SLC4A4: variants seen among roughly 807,000 people sequenced by gnomAD.
SLC4A4 encodes the protein electrogenic sodium bicarbonate cotransporter 1.
Under a neutral mutation model 111.5 loss-of-function variants are expected in SLC4A4, and 27 were observed. That is an observed-to-expected ratio of 0.24 (90% CI 0.18 to 0.33). The LOEUF (loss-of-function observed/expected upper bound fraction) is 0.33. Among genes scored for constraint, SLC4A4 ranks in the 10% least tolerant of loss-of-function variants. SLC4A4 has a pLI of 1.00. For missense variants in SLC4A4, 909 were observed against 1,315.5 expected, an observed-to-expected ratio of 0.69 and a Z score of 4.78; for synonymous variants, 443 against 463.4, an observed-to-expected ratio of 0.96 and a Z score of 0.57.
At chr4:71,132,783 G>T (rs1743741261) in intron 2 of SLC4A4, among the ~76,000 whole-genome samples, 1 of 152,122 alleles carries the variant, frequency 6.6e-6, no homozygotes, top group African/African-American at 2.4e-5. Flanking sequence ...TTCCACTATT[G>T]GCCACAGCTA....
chr4:71,280,764 T>C (rs749444090), intron 3 of SLC4A4, among the ~76,000 whole-genome samples: 13 of 152,154 alleles, frequency 8.5e-5, no homozygotes, highest in Non-Finnish European at 1.3e-4. Flanking sequence ...AAGATTTTTT[T>C]CTCTGTTATC....
rs993412644 is a variant in SLC4A4, at chr4:71,523,316, A to G, written c.2167-8746A>G. On this transcript the variant is annotated intron_variant, in intron 16 of 25. Transcript: ENST00000264485. ...TTTATATCAAGGAAAATAATTTTTA[A>G]AGTCAAATTTGTTTTTAATCCAAAA... Among the ~76,000 whole-genome samples the G allele has an allele frequency of 2.6e-5, 4 of 152,302 alleles. No homozygotes were observed. In the South Asian group the frequency reaches 8.3e-4, roughly 32 times the overall value.
chr4:71,198,262 A>G (rs1746093381), intron 1 of SLC4A4, among the ~76,000 whole-genome samples: 2 of 152,250 alleles, frequency 1.3e-5, no homozygotes, highest in African/African-American at 4.8e-5. Context: ...TTTATTACAT[A>G]TGCATAATAT....
chr4:71,552,470 T>C (rs1736090164), intron 20 of SLC4A4, among the ~76,000 whole-genome samples: 1 of 151,834 alleles, frequency 6.6e-6, no homozygotes, highest in African/African-American at 2.4e-5. Context: ...ACCCTTATTT[T>C]TAAATTTACC....
intron 12 of SLC4A4, among the ~76,000 whole-genome samples, chr4:71,466,125 C>T (rs976239459): frequency 2.6e-5 from 4 of 152,238 alleles, no homozygotes; most frequent in East Asian, 1.9e-4. Flanking sequence ...TTGATTCTGA[C>T]GTGTAGAAGC....
At chr4:71,425,191 C>T (rs1723006221) in intron 7 of SLC4A4, among the ~76,000 whole-genome samples, 1 of 152,102 alleles carries the variant, frequency 6.6e-6, no homozygotes, top group Non-Finnish European at 1.5e-5. Flanking sequence ...CAGCTCAACA[C>T]TCTCTCCAGA....
intron 1 of SLC4A4, among the ~76,000 whole-genome samples, chr4:71,207,622 G>A (rs60466738): frequency 0.023 from 3,450 of 152,282 alleles, 126 homozygotes; most frequent in African/African-American, 0.079. Flanking sequence ...CAGTGGTAAA[G>A]GAAGTATTGG....
intron 16 of SLC4A4, among the ~76,000 whole-genome samples, chr4:71,518,713 C>CCCTGGACCTGGGGCTT (rs1732641985): frequency 3.3e-5 from 5 of 150,406 alleles, no homozygotes; most frequent in African/African-American, 1.3e-4. Flanking sequence ...ACCTGGGGCT[C>CCCTGGACCTGGGGCTT]ATCTGGAGCC....
intron 1 of SLC4A4, among the ~76,000 whole-genome samples, chr4:71,198,216 C>A (rs1044284566): frequency 6.6e-6 from 1 of 152,162 alleles, no homozygotes; most frequent in African/African-American, 2.4e-5. Context: ...TATGTGAAAG[C>A]ACAATATATT....
chr4:71,121,315 G>A (rs1743416293), intron 2 of SLC4A4, among the ~76,000 whole-genome samples: 1 of 152,158 alleles, frequency 6.6e-6, no homozygotes, highest in Admixed American at 6.5e-5. Flanking sequence ...CTGCCCAAGG[G>A]CTGAGGCGTG....
At chr4:71,567,231 C>A in intron 25 of SLC4A4, 148 bp downstream of exon 25, 1 of 648,618 alleles carries the variant, frequency 1.5e-6, no homozygotes, top group Non-Finnish European at 2.7e-6. Context: ...AAAACTTGTT[C>A]CAGCTTTTAC....
At chr4:71,548,376 T>C (rs1012826818) in intron 20 of SLC4A4, among the ~76,000 whole-genome samples, 5 of 151,926 alleles carry the variant, frequency 3.3e-5, no homozygotes, top group African/African-American at 1.2e-4. Flanking sequence ...ATGGGTTGGA[T>C]ATCTGCCTAG....
At chr4:71,186,650 C>T (rs1291474853), upstream of SLC4A4, 1 of 151,598 alleles carries the variant, frequency 6.6e-6, no homozygotes, top group Admixed American at 6.6e-5. Context: ...GCGGCTGACG[C>T]CGAGCAGCGG....
intron 1 of SLC4A4, among the ~76,000 whole-genome samples, chr4:71,192,402 C>T (rs1023117434): frequency 1.3e-5 from 2 of 152,178 alleles, no homozygotes; most frequent in Non-Finnish European, 2.9e-5. Flanking sequence ...TTTTAATACC[C>T]ATACTGTTCT....
intron 2 of SLC4A4, among the ~76,000 whole-genome samples, chr4:71,177,876 A>G (rs889795066): frequency 6.6e-6 from 1 of 152,184 alleles, no homozygotes; most frequent in African/African-American, 2.4e-5. Flanking sequence ...CAGAATATAC[A>G]TTCTTCTCAG....
At chr4:71,108,826 T>G (rs2091709112) in intron 2 of SLC4A4, among the ~76,000 whole-genome samples, 1 of 152,142 alleles carries the variant, frequency 6.6e-6, no homozygotes, top group African/African-American at 2.4e-5. Context: ...AATTTCTTTT[T>G]GGTTTCCTTT....
chr4:71,251,910 C>G (rs968992095), intron 2 of SLC4A4, among the ~76,000 whole-genome samples: 1 of 152,054 alleles, frequency 6.6e-6, no homozygotes, highest in African/African-American at 2.4e-5. Context: ...AATGGTCTTA[C>G]TGTTTTGTAG....
intron 18 of SLC4A4, among the ~76,000 whole-genome samples, chr4:71,544,840 C>T (rs1464302176): frequency 6.6e-6 from 1 of 151,888 alleles, no homozygotes; most frequent in Non-Finnish European, 1.5e-5. Flanking sequence ...TTGTTGTCTC[C>T]CTCAGTAGAA....
At chr4:71,421,305 A>C (rs903279126) in intron 7 of SLC4A4, among the ~76,000 whole-genome samples, 1 of 152,206 alleles carries the variant, frequency 6.6e-6, no homozygotes, top group Non-Finnish European at 1.5e-5. Flanking sequence ...ATATATATGC[A>C]CCCAATACAG....
Sources: gnomAD v4.1 joint callset for allele counts (sites outside exome capture counted in the v4.1 genomes callset) on GRCh38, gnomAD v4.1.1 for gene constraint, MANE v1.5 for transcripts, NCBI Gene and HGNC (gene_info 2026-07-23, HGNC 2026-07-21) for gene names.